ATG16L1: variants seen among roughly 807,000 people sequenced by gnomAD.
The protein encoded by ATG16L1 is autophagy-related protein 16-1.
A neutral mutation model predicts 88.5 loss-of-function variants in ATG16L1; 37 were observed. The ratio of observed to expected loss-of-function variants is 0.42; its 90% confidence interval spans 0.32 to 0.55. The LOEUF is 0.55. ATG16L1 is among the 20% of genes least tolerant of loss of function. The pLI, the probability that ATG16L1 is intolerant of heterozygous loss-of-function variation, is 0.13. For synonymous variants in ATG16L1, 301 were observed against 281.0 expected (o/e 1.07, Z -0.71); for missense variants, 554 against 752.8 (o/e 0.74, Z 3.09).
At position 233,256,387 on chromosome 2, in the gene ATG16L1, G is replaced by A. The variant is rs556502709; in HGVS notation, c.209+192G>A. ...TAGAAGGTATGTCATACCTAGAAAG[G>A]TTATTATCAGTACAGTGCTCTGAGC... On this transcript the variant is annotated intron_variant, in intron 2 of 17. Coordinates refer to ENST00000392017, the MANE Select transcript of ATG16L1 (RefSeq NM_030803.7). Among the ~76,000 whole-genome samples, 3 of 152,328 alleles carry A rather than the reference G, an allele frequency of 2.0e-5. No homozygotes were observed. In the South Asian group the frequency reaches 6.2e-4, roughly 32 times the overall value.
Position 233,273,770 on chromosome 2 carries a change from A to G in ATG16L1, c.844A>G (p.Ile282Val). 6.2e-7 allele frequency: 1 copy of G among 1,614,100 alleles called. No individual in the cohort carries two copies. The highest frequency in any genetic ancestry group is 8.5e-7 in the Non-Finnish European group (1 of 1,179,956). Residue 282 changes from isoleucine to valine, a missense_variant, in exon 8 of 18, where the codon ATC (isoleucine) becomes GTC (valine). By Grantham distance (29) the Ile-to-Val change is conservative. This residue lies in a region of ATG16L1 where 370 missense variants were observed against 509.7 expected (regional missense o/e 0.73). Coordinates refer to ENST00000392017, the MANE Select transcript of ATG16L1 (RefSeq NM_030803.7). ...AGGLLDSITN[I>V]FGRRSVSSFP... ...AGGCCTTCTGGATTCTATCACTAAT[A>G]TCTTTGGGTAGGTTAGAAGACCTTT...
At chr2:233,261,017 G>A (rs1030092670) in intron 2 of ATG16L1, among the ~76,000 whole-genome samples, 13 of 152,188 alleles carry the variant, frequency 8.5e-5, no homozygotes, top group Middle Eastern at 3.4e-3. Flanking sequence ...GGGCAGTGGC[G>A]CAGTCTCAGC....
chr2:233,292,100 C>T (rs368033669), intron 14 of ATG16L1, 28 bp from the exon 15 acceptor site: 1 of 1,609,628 alleles, frequency 6.2e-7, no homozygotes, highest in South Asian at 1.1e-5. Context: ...GCCTACGTTA[C>T]ATTTCTCAGA....
chr2:233,278,032 A>G (rs1333141137), intron 10 of ATG16L1, among the ~76,000 whole-genome samples: 1 of 152,240 alleles, frequency 6.6e-6, no homozygotes, highest in East Asian at 1.9e-4. Context: ...TCTTATGATC[A>G]TGGATTCTAC....
intron 1 of ATG16L1, among the ~76,000 whole-genome samples, chr2:233,255,404 C>G (rs1337341956): frequency 1.3e-5 from 2 of 152,228 alleles, no homozygotes; most frequent in Non-Finnish European, 2.9e-5. Flanking sequence ...TGTTCTCTCA[C>G]ACGTTAGCAT....
At chr2:233,260,224 TAC>T (rs1421744795) in intron 2 of ATG16L1, among the ~76,000 whole-genome samples, 4 of 152,254 alleles carry the variant, frequency 2.6e-5, no homozygotes, top group African/African-American at 9.6e-5. Flanking sequence ...TCACTTTGCC[TAC>T]AGTTTAAAAT....
At chr2:233,266,226 G>A (rs1453458486) in intron 5 of ATG16L1, 1 of 140,280 alleles carries the variant, frequency 7.1e-6, no homozygotes, top group Non-Finnish European at 1.6e-5. Context: ...CGGAGGCGGA[G>A]GCGGGAGGAT....
At chr2:233,257,873 C>T (rs1184841972) in intron 2 of ATG16L1, among the ~76,000 whole-genome samples, 3 of 152,006 alleles carry the variant, frequency 2.0e-5, no homozygotes, top group South Asian at 2.1e-4. Context: ...GGCATGGTGG[C>T]GGGCGCCTGT....
At chr2:233,284,645 T>C (rs766743374) in intron 12 of ATG16L1, among the ~76,000 whole-genome samples, 25 of 152,224 alleles carry the variant, frequency 1.6e-4, no homozygotes, top group Non-Finnish European at 3.2e-4. Flanking sequence ...TTTTTGTATT[T>C]TTTTAGTAGA....
intron 3 of ATG16L1, 140 bp from the exon 4 acceptor site, chr2:233,263,851 TG>T: frequency 1.5e-6 from 1 of 657,348 alleles, no homozygotes; most frequent in Non-Finnish European, 2.6e-6. Flanking sequence ...AGTTCCCCTT[TG>T]TGTCCCCATA....
chr2:233,283,289 G>C (rs1559405499), intron 12 of ATG16L1, among the ~76,000 whole-genome samples: 1 of 152,028 alleles, frequency 6.6e-6, no homozygotes. Flanking sequence ...ACCAAAACTT[G>C]GTTGTATCAT....
intron 7 of ATG16L1, 191 bp from the exon 8 acceptor site, chr2:233,273,530 T>C: frequency 1.7e-6 from 1 of 575,780 alleles, no homozygotes. Context: ...TTGAAACTTC[T>C]AGGCTGGGTT....
chr2:233,286,826 C>A (rs1699121850), intron 12 of ATG16L1, among the ~76,000 whole-genome samples: 1 of 151,536 alleles, frequency 6.6e-6, no homozygotes, highest in Admixed American at 6.6e-5. Flanking sequence ...GAGATTTCAC[C>A]GTGTTAGCCA....
intron 3 of ATG16L1, 89 bp from the exon 4 acceptor site, chr2:233,263,903 T>G: frequency 7.6e-7 from 1 of 1,312,326 alleles, no homozygotes; most frequent in Non-Finnish European, 1.1e-6. Context: ...CATTTATTCT[T>G]TCTTAAAAAT....
At chr2:233,273,339 G>A in intron 7 of ATG16L1, 1 of 497,952 alleles carries the variant, frequency 2.0e-6, no homozygotes, top group Middle Eastern at 5.3e-4. Flanking sequence ...TGATTGTTTA[G>A]GTTTGATCAT....
rs1388741091 is a variant in ATG16L1, at chr2:233,295,475, C to T, written c.*1125C>T. 6.5e-6 allele frequency: 1 copy of T among 152,674 alleles called. No homozygotes were observed. Among genetic ancestry groups the T allele is most frequent in the Non-Finnish European group, 1.5e-5 (1 of 68,028 alleles). 9.5% of individuals were successfully genotyped at this position (152,674 alleles called of 1,614,324 possible). ...GTGAGAGAGGAGTCAGGTGGCCTTC[C>T]CACCGATGGTCCTGGCCTCCACCTG... On this transcript the variant is annotated 3_prime_UTR_variant, in exon 18 of 18. Transcript: ENST00000392017.
chr2:233,282,062 T>C (rs1698752568), intron 11 of ATG16L1, among the ~76,000 whole-genome samples: 1 of 152,058 alleles, frequency 6.6e-6, no homozygotes, highest in Non-Finnish European at 1.5e-5. Context: ...GGTTGGAAAA[T>C]GAGGGTATGT....
In ATG16L1 at chr2:233,283,480, T is replaced by C. The variant is rs750726794; in HGVS notation, c.1203+727T>C. On this transcript the variant is annotated intron_variant, in intron 12 of 17. Transcript: ENST00000392017. ...ACTAAAAAAAAAAAAAATTTTTTTT[T>C]AAAAAGTTAACACAAGCCGTTTGTG... Among the ~76,000 whole-genome samples, 97 of 151,894 alleles carry C rather than the reference T, an allele frequency of 6.4e-4. 2 individuals carry two copies. Among genetic ancestry groups the C allele is most frequent in the Non-Finnish European group, 1.8e-4 (12 of 67,982 alleles).
intron 1 of ATG16L1, among the ~76,000 whole-genome samples, 171 bp from the exon 2 acceptor site, chr2:233,255,931 T>G (rs987034889): frequency 2.0e-5 from 3 of 152,218 alleles, no homozygotes; most frequent in Middle Eastern, 3.2e-3. Context: ...AGAAAGCATT[T>G]TCAGCTCCCT....
Sources: allele counts gnomAD v4.1 joint callset (sites outside exome capture counted in the v4.1 genomes callset), GRCh38; gene constraint gnomAD v4.1.1; regional missense constraint gnomAD v4.1.1; transcripts MANE v1.5; gene names NCBI Gene and HGNC (gene_info 2026-07-23, HGNC 2026-07-21).